NCAPD3: variants seen among roughly 807,000 people sequenced by gnomAD.
The protein encoded by NCAPD3 is non-SMC condensin II complex subunit D3.
NCAPD3 carries 105 observed loss-of-function variants against 182.9 expected under a neutral mutation model. That is an observed-to-expected ratio of 0.57 (90% confidence interval 0.49 to 0.68). The LOEUF (loss-of-function observed/expected upper bound fraction) is 0.68, where lower values mean the gene tolerates loss of function less well. Ranked by LOEUF, NCAPD3 falls within the 30% of genes least tolerant of loss-of-function variation. NCAPD3 has a pLI of 0.00. For missense variants in NCAPD3, 1,944 were observed against 1,837.0 expected, an observed-to-expected ratio of 1.06 and a Z score of -1.07; for synonymous variants, 815 against 679.9, an observed-to-expected ratio of 1.20 and a Z score of -3.09.
At chr11:134,194,450 T>C (rs75447954) in intron 14 of NCAPD3, among the ~76,000 whole-genome samples, 2,414 of 152,298 alleles carry the variant, frequency 0.016, 58 homozygotes, top group African/African-American at 0.053. Context: ...TATAAATTTG[T>C]GGTTCTTAAA....
At chr11:134,165,923 T>C (rs1405222613) in intron 27 of NCAPD3, among the ~76,000 whole-genome samples, 1 of 89,248 alleles carries the variant, frequency 1.1e-5, no homozygotes, top group African/African-American at 4.6e-5. Context: ...GAGATGAGCT[T>C]GGGGGAGCAG....
chr11:134,207,833 T>C (rs1046725787), intron 7 of NCAPD3, among the ~76,000 whole-genome samples: 19 of 151,478 alleles, frequency 1.3e-4, no homozygotes, highest in African/African-American at 3.4e-4. Context: ...GTTTAAAATA[T>C]TTAAAAGGGC....
rs1377463129 is a variant in NCAPD3 at position 134,168,338 on chromosome 11, A to G, written c.3373+131T>C. On this transcript the variant is annotated intron_variant, in intron 26 of 34. Coordinates refer to ENST00000534548, the MANE Select transcript of NCAPD3 (RefSeq NM_015261.3). ...TTTTGTCTGGGGCACAGCTGATGCC[A>G]GAGAAGGACAAGATGACAGGGGTCT... is the stretch of plus-strand genomic sequence containing the variant. The G allele has an allele frequency of 8.7e-6, 13 of 1,492,808 alleles. No homozygotes were observed. The Admixed American group carries it at 2.2e-4, about 25-fold the overall frequency. 92.5% of individuals were successfully genotyped at this position (1,492,808 alleles called of 1,614,324 possible). A position where few individuals can be genotyped will look rare whatever the true frequency, so the allele number is the denominator to read the frequency against.
chr11:134,205,320 G>A (rs1944826955), intron 8 of NCAPD3, among the ~76,000 whole-genome samples: 3 of 151,952 alleles, frequency 2.0e-5, no homozygotes, highest in Admixed American at 2.0e-4. Flanking sequence ...ACCACCTCAT[G>A]GTAGCTCAGT....
intron 31 of NCAPD3, among the ~76,000 whole-genome samples, chr11:134,157,637 G>A (rs1332286336): frequency 6.6e-6 from 1 of 152,148 alleles, no homozygotes; most frequent in African/African-American, 2.4e-5. Context: ...AACAATGCAC[G>A]CACAGATCAC....
intron 1 of NCAPD3, among the ~76,000 whole-genome samples, chr11:134,222,884 G>C (rs2136037744): frequency 6.6e-6 from 1 of 152,354 alleles, no homozygotes; most frequent in Non-Finnish European, 1.5e-5. Flanking sequence ...CAGTTATTAT[G>C]TGGCAAGTAC....
At chr11:134,201,295 G>C (rs1294944077) in intron 13 of NCAPD3, among the ~76,000 whole-genome samples, 3 of 152,104 alleles carry the variant, frequency 2.0e-5, no homozygotes, top group African/African-American at 7.2e-5. Context: ...AATGTGCCAG[G>C]ATTACCGGTG....
At chr11:134,210,539 A>C in intron 3 of NCAPD3, 85 bp from the exon 4 acceptor site, 1 of 1,221,720 alleles carries the variant, frequency 8.2e-7, no homozygotes, top group Non-Finnish European at 1.2e-6. Context: ...GTTACAAAGC[A>C]AAACACAGGC....
chr11:134,177,568 C>T lies in NCAPD3; in HGVS notation c.2783-111G>A. On this transcript the variant is annotated intron_variant, in intron 22 of 34. Transcript: ENST00000534548. Reference sequence around the variant, plus strand: ...GGCTTCTATTTCATCAAAGTTAAAACATCATGCCCACAATCACAAACAACA... The same window carrying T: ...GGCTTCTATTTCATCAAAGTTAAAATATCATGCCCACAATCACAAACAACA... The T allele has an allele frequency of 1.4e-5, 13 of 902,360 alleles. No individual in the cohort carries two copies. The South Asian group carries it at 1.8e-4, about 13-fold the overall frequency. The allele number at this position is 902,360 out of a possible 1,614,324, so 55.9% of individuals were successfully genotyped here.
chr11:134,209,078 A>C, intron 6 of NCAPD3, 67 bp downstream of exon 6: 1 of 1,541,526 alleles, frequency 6.5e-7, no homozygotes, highest in South Asian at 1.1e-5. Flanking sequence ...TGGTATTTCC[A>C]TTTCTGCTGG....
chr11:134,200,567 G>A (rs1164477824), intron 13 of NCAPD3, among the ~76,000 whole-genome samples: 1 of 152,118 alleles, frequency 6.6e-6, no homozygotes, highest in Non-Finnish European at 1.5e-5. Context: ...AAATAAAAAA[G>A]ACAGACATGG....
At chr11:134,224,036 G>A, upstream of NCAPD3, 2 of 1,324,298 alleles carry the variant, frequency 1.5e-6, no homozygotes, top group South Asian at 2.6e-5. Flanking sequence ...ATTTCCCACT[G>A]GCCAACCACC....
At chr11:134,165,460 C>A (rs1170061930) in intron 27 of NCAPD3, among the ~76,000 whole-genome samples, 1 of 147,950 alleles carries the variant, frequency 6.8e-6, no homozygotes, top group South Asian at 2.2e-4. Context: ...GAGTGGCACA[C>A]TCATGAGATG....
intron 3 of NCAPD3, among the ~76,000 whole-genome samples, chr11:134,216,549 C>T (rs1938030049): frequency 6.6e-6 from 1 of 151,684 alleles, no homozygotes; most frequent in South Asian, 2.1e-4. Flanking sequence ...ATCTATTTTT[C>T]AATACCAACA....
chr11:134,225,285 A>C (rs1313224434), upstream of NCAPD3: 1 of 1,614,090 alleles, frequency 6.2e-7, no homozygotes, highest in Non-Finnish European at 8.5e-7. Flanking sequence ...CCTTGCCCTC[A>C]AGAACCCCAA....
At position 134,194,827 on chromosome 11, in the gene NCAPD3, T is replaced by C. The variant is rs181527308; in HGVS notation, c.1616-89A>G. 3.0e-5 allele frequency: 25 copies of C among 825,130 alleles called. No individual in the cohort carries two copies. In the East Asian group the frequency reaches 6.7e-4, roughly 22 times the overall value. The allele number at this position is 825,130 out of a possible 1,614,324, so 51.1% of individuals were successfully genotyped here. On this transcript the variant is annotated intron_variant, in intron 13 of 34. Transcript: ENST00000534548. Reference sequence around the variant, plus strand: ...ACCACACAATACCCAGAAAATACACTCATCTTAAAGACTCATTAGCTTGTT... The same window carrying C: ...ACCACACAATACCCAGAAAATACACCCATCTTAAAGACTCATTAGCTTGTT...
At chr11:134,180,363 C>T (rs1467115227) in intron 20 of NCAPD3, among the ~76,000 whole-genome samples, 2 of 152,032 alleles carry the variant, frequency 1.3e-5, no homozygotes, top group Non-Finnish European at 2.9e-5. Flanking sequence ...AAAAATGGCC[C>T]GTTTTGGTTA....
chr11:134,159,783 T>G, intron 29 of NCAPD3, 109 bp downstream of exon 29: 1 of 1,242,510 alleles, frequency 8.0e-7, no homozygotes, highest in South Asian at 1.5e-5. Flanking sequence ...GCCTTCGGGC[T>G]GACTAACCTC....
chr11:134,161,245 C>A (rs56208262), intron 28 of NCAPD3, among the ~76,000 whole-genome samples: 2,020 of 152,132 alleles, frequency 0.013, 29 homozygotes, highest in Non-Finnish European at 0.018. Flanking sequence ...GGTCTGAGGC[C>A]CCACTTAGGT....
Sources: gnomAD v4.1 joint callset for allele counts (sites outside exome capture counted in the v4.1 genomes callset) on GRCh38, gnomAD v4.1.1 for gene constraint, MANE v1.5 for transcripts, NCBI Gene and HGNC (gene_info 2026-07-23, HGNC 2026-07-21) for gene names.